Variants in AP3B1 observed in about 807,000 individuals in gnomAD.
The protein encoded by AP3B1 is adaptor related protein complex 3 subunit beta 1.
In AP3B1, 61 loss-of-function variants were observed where a neutral mutation model predicts 132.5. The observed-to-expected ratio is 0.46, with a 90% CI of 0.37 to 0.57. The LOEUF (loss-of-function observed/expected upper bound fraction) is 0.57. Ranked by LOEUF, AP3B1 falls within the 20% of genes least tolerant of loss-of-function variation. The pLI, the probability that AP3B1 is intolerant of heterozygous loss-of-function variation, is 0.00. For missense variants in AP3B1, 1,120 were observed against 1,289.4 expected (o/e 0.87, Z 2.01); for synonymous variants, 388 against 438.3 (o/e 0.89, Z 1.43).
At chr5:78,097,794 G>A (rs1388160858) in intron 21 of AP3B1, among the ~76,000 whole-genome samples, 4 of 152,192 alleles carry the variant, frequency 2.6e-5, no homozygotes, top group African/African-American at 9.6e-5. Context: ...ACAGCTCATT[G>A]AGAACGGGCC....
chr5:78,239,609 A>C (rs755359031), intron 3 of AP3B1, among the ~76,000 whole-genome samples: 4 of 135,456 alleles, frequency 3.0e-5, no homozygotes, highest in Non-Finnish European at 6.8e-5. Context: ...CCCTGTCTCT[A>C]CAAAAAAAAA....
intron 24 of AP3B1, among the ~76,000 whole-genome samples, chr5:78,022,908 GA>G (rs1442734506): frequency 6.6e-6 from 1 of 152,124 alleles, no homozygotes; most frequent in African/African-American, 2.4e-5. Context: ...TGAGAAAACT[GA>G]AAAGAAGTTG....
intron 2 of AP3B1, among the ~76,000 whole-genome samples, chr5:78,262,568 A>G (rs752414960): frequency 2.0e-5 from 3 of 152,066 alleles, no homozygotes; most frequent in South Asian, 2.1e-4. Flanking sequence ...TGAGCTCCCT[A>G]TTGTGTTCCA....
At chr5:78,085,017 T>C (rs867072956) in intron 22 of AP3B1, among the ~76,000 whole-genome samples, 2 of 151,586 alleles carry the variant, frequency 1.3e-5, no homozygotes, top group Middle Eastern at 3.2e-3. Flanking sequence ...TCACTAGACA[T>C]TTAGGTTTGA....
At chr5:78,081,387 T>A (rs951112127) in intron 22 of AP3B1, among the ~76,000 whole-genome samples, 45 of 146,952 alleles carry the variant, frequency 3.1e-4, no homozygotes, top group African/African-American at 8.8e-4. Context: ...GGCTCACTGC[T>A]AGCTCCGCCT....
intron 22 of AP3B1, among the ~76,000 whole-genome samples, chr5:78,048,462 G>A (rs1748437226): frequency 6.6e-6 from 1 of 152,154 alleles, no homozygotes; most frequent in Non-Finnish European, 1.5e-5. Context: ...ATGACTGGCT[G>A]CAGTTAACTG....
intron 15 of AP3B1, among the ~76,000 whole-genome samples, chr5:78,131,997 T>C (rs192466955): frequency 6.6e-6 from 1 of 152,282 alleles, no homozygotes; most frequent in Non-Finnish European, 1.5e-5. Flanking sequence ...ACAAAGCAGT[T>C]CTTCACAAAA....
intron 22 of AP3B1, among the ~76,000 whole-genome samples, chr5:78,081,195 G>A (rs1340784678): frequency 6.6e-6 from 1 of 152,010 alleles, no homozygotes; most frequent in African/African-American, 2.4e-5. Context: ...TCAGTTCATG[G>A]CATGCTAATG....
At chr5:78,009,448 C>A (rs1246322122) in intron 26 of AP3B1, among the ~76,000 whole-genome samples, 1 of 151,662 alleles carries the variant, frequency 6.6e-6, no homozygotes, top group Non-Finnish European at 1.5e-5. Flanking sequence ...CAGAGTGAGA[C>A]CCTGTCTTAA....
intron 1 of AP3B1, among the ~76,000 whole-genome samples, chr5:78,282,009 A>G (rs1749079230): frequency 6.6e-6 from 1 of 152,216 alleles, no homozygotes; most frequent in Non-Finnish European, 1.5e-5. Context: ...GTTAGACTCC[A>G]TGTCTCCCTG....
chr5:78,131,528 T>C (rs2112305882), intron 15 of AP3B1, among the ~76,000 whole-genome samples: 2 of 152,168 alleles, frequency 1.3e-5, no homozygotes, highest in East Asian at 3.9e-4. Context: ...CAATAAAAAG[T>C]TTTTACAATA....
At chr5:78,108,895 T>G (rs192519338) in intron 20 of AP3B1, among the ~76,000 whole-genome samples, 332 of 152,284 alleles carry the variant, frequency 2.2e-3, no homozygotes, top group African/African-American at 7.3e-3. Flanking sequence ...TTTCAACTGT[T>G]ACAAAATTTC....
intron 6 of AP3B1, among the ~76,000 whole-genome samples, chr5:78,220,321 A>C (rs1746125364): frequency 6.6e-6 from 1 of 151,870 alleles, no homozygotes. Context: ...AATCCAAAAA[A>C]AAAAACAACA....
intron 15 of AP3B1, among the ~76,000 whole-genome samples, chr5:78,138,204 G>A (rs573086514): frequency 3.4e-4 from 51 of 152,100 alleles, no homozygotes; most frequent in Non-Finnish European, 4.9e-4. Flanking sequence ...AGTGGCTCAC[G>A]CCTGTAATCC....
chr5:78,025,306 G>A (rs1747294978), intron 24 of AP3B1, among the ~76,000 whole-genome samples: 1 of 152,180 alleles, frequency 6.6e-6, no homozygotes, highest in African/African-American at 2.4e-5. Context: ...AGGGAGAAGG[G>A]TGGGGTGTTC....
At chr5:78,237,505 C>A (rs1305163453) in intron 3 of AP3B1, among the ~76,000 whole-genome samples, 1 of 151,228 alleles carries the variant, frequency 6.6e-6, no homozygotes, top group Non-Finnish European at 1.5e-5. Context: ...AATATTAAAT[C>A]TTTTTTTAAA....
rs1042037048 is a variant in AP3B1, at chr5:78,112,921, A to C, written c.2249+831T>G. ...GATTTCATTTGTTCTGAACAGGAAA[A>C]ACAATATAAATCACTTTTAAAATCA... On this transcript the variant is annotated intron_variant, in intron 19 of 26. Transcript: ENST00000255194. Among the ~76,000 whole-genome samples the C allele has an allele frequency of 2.6e-5, 4 of 152,242 alleles. No individual in the cohort carries two copies. In the South Asian group the frequency reaches 6.2e-4, roughly 24 times the overall value.
At chr5:78,227,027 G>GA (rs143053261) in intron 5 of AP3B1, among the ~76,000 whole-genome samples, 23 of 150,350 alleles carry the variant, frequency 1.5e-4, no homozygotes, top group South Asian at 6.3e-4. Flanking sequence ...CCCTAAACAG[G>GA]AAAAAAAAAT....
At chr5:78,140,954 T>C (rs892739472) in intron 15 of AP3B1, among the ~76,000 whole-genome samples, 189 bp downstream of exon 15, 1 of 152,210 alleles carries the variant, frequency 6.6e-6, no homozygotes, top group Non-Finnish European at 1.5e-5. Flanking sequence ...CATTTTTTAA[T>C]CTGTTTTCTC....
Sources: gnomAD v4.1 joint callset for allele counts (sites outside exome capture counted in the v4.1 genomes callset) on GRCh38, gnomAD v4.1.1 for gene constraint, MANE v1.5 for transcripts, NCBI Gene and HGNC (gene_info 2026-07-23, HGNC 2026-07-21) for gene names.